Variants in CDIN1 observed in about 807,000 individuals in gnomAD.
The protein encoded by CDIN1 is CDAN1 interacting nuclease 1, also known as CDAN1-interacting nuclease 1.
Under a neutral mutation model 45.3 loss-of-function variants are expected in CDIN1, and 33 were observed. That is an observed-to-expected ratio of 0.73 (90% CI 0.55 to 0.97). The LOEUF (loss-of-function observed/expected upper bound fraction) is 0.97. Among genes scored for constraint, CDIN1 ranks in the 50% least tolerant of loss-of-function variants. The probability of loss-of-function intolerance (pLI) is 0.00; values close to 1 mark genes in which losing one functional copy is unlikely to be tolerated. For synonymous variants in CDIN1, 118 were observed against 124.4 expected (o/e 0.95, Z 0.34); for missense variants, 303 against 339.4 (o/e 0.89, Z 0.84).
chr15:36,682,859 T>C (rs2041906486), intron 5 of CDIN1, among the ~76,000 whole-genome samples: 1 of 151,792 alleles, frequency 6.6e-6, no homozygotes, highest in South Asian at 2.1e-4. Context: ...CACATAAAAT[T>C]TAACACCGTA....
intron 10 of CDIN1, among the ~76,000 whole-genome samples, chr15:36,722,057 C>T (rs1595519365): frequency 1.3e-5 from 2 of 152,130 alleles, no homozygotes; most frequent in East Asian, 3.9e-4. Context: ...GTTATGTCAT[C>T]TATTTTGTTT....
intron 10 of CDIN1, among the ~76,000 whole-genome samples, chr15:36,801,429 T>C (rs2055042410): frequency 6.6e-6 from 1 of 152,168 alleles, no homozygotes. Flanking sequence ...GATGCATCTG[T>C]ATACTAGAGG....
chr15:36,723,222 T>G (rs928135114), intron 10 of CDIN1, among the ~76,000 whole-genome samples: 1 of 59,426 alleles, frequency 1.7e-5, no homozygotes, highest in Non-Finnish European at 3.1e-5. Flanking sequence ...TGCTAACCAT[T>G]ACCACCATTT....
intron 10 of CDIN1, among the ~76,000 whole-genome samples, chr15:36,737,125 A>T (rs1003728103): frequency 6.7e-6 from 1 of 149,684 alleles, no homozygotes; most frequent in South Asian, 2.1e-4. Context: ...CTGAGATTGC[A>T]CCACTGCACT....
intron 4 of CDIN1, among the ~76,000 whole-genome samples, chr15:36,655,252 C>T (rs747555079): frequency 6.6e-6 from 1 of 151,954 alleles, no homozygotes; most frequent in Non-Finnish European, 1.5e-5. Context: ...TTTCTGTGCG[C>T]CTCCTAGGAA....
At chr15:36,653,304 G>A (rs545701665) in intron 3 of CDIN1, among the ~76,000 whole-genome samples, 4 of 152,170 alleles carry the variant, frequency 2.6e-5, no homozygotes, top group Non-Finnish European at 5.9e-5. Context: ...GCGGGAGACA[G>A]TGACTAGAGA....
intron 10 of CDIN1, among the ~76,000 whole-genome samples, chr15:36,721,244 A>T (rs149242559): frequency 6.6e-6 from 1 of 152,102 alleles, no homozygotes; most frequent in Non-Finnish European, 1.5e-5. Flanking sequence ...CTCTGATGGT[A>T]GTTTGTTTTG....
Position 36,604,418 on chromosome 15 carries a change from T to TACACAGACACACACACAC in CDIN1, c.101+24462_101+24463insGACACACACACACACACA, listed in dbSNP as rs1555382540. Among the ~76,000 whole-genome samples, 11 of 128,860 alleles carry TACACAGACACACACACAC rather than the reference T, an allele frequency of 8.5e-5. No homozygotes were observed. In the East Asian group the frequency reaches 9.9e-4, roughly 12 times the overall value. The allele number at this position is 128,860 out of a possible 152,430, so 84.5% of individuals were successfully genotyped here. On this transcript the variant is annotated intron_variant, in intron 1 of 10. Coordinates refer to ENST00000566621, the MANE Select transcript of CDIN1 (RefSeq NM_001321759.2). ...ATGTTCTTCTATGACTTTTAAAAGG[T>TACACAGACACACACACAC]ACACACACACACACACACACACACA...
At chr15:36,597,105 T>TA (rs765941029) in intron 1 of CDIN1, among the ~76,000 whole-genome samples, 4 of 152,210 alleles carry the variant, frequency 2.6e-5, no homozygotes, top group Non-Finnish European at 5.9e-5. Context: ...ATTACATCAC[T>TA]AAATAAAATA....
chr15:36,617,721 A>G (rs537535727), intron 1 of CDIN1: 34 of 791,096 alleles, frequency 4.3e-5, no homozygotes, highest in South Asian at 2.3e-4. Flanking sequence ...AACAACACCA[A>G]TAGAGGAAGT....
intron 5 of CDIN1, among the ~76,000 whole-genome samples, chr15:36,682,824 G>C (rs981339910): frequency 4.6e-5 from 7 of 151,512 alleles, no homozygotes; most frequent in African/African-American, 1.7e-4. Context: ...AAATATCTGG[G>C]TACCCCATCG....
chr15:36,775,513 C>A (rs1207528884), intron 10 of CDIN1, among the ~76,000 whole-genome samples: 1 of 152,196 alleles, frequency 6.6e-6, no homozygotes, highest in African/African-American at 2.4e-5. Flanking sequence ...GCAGCAGTGC[C>A]TATGACAGGC....
intron 10 of CDIN1, among the ~76,000 whole-genome samples, chr15:36,804,898 C>T (rs2055178394): frequency 1.3e-5 from 2 of 151,772 alleles, no homozygotes; most frequent in African/African-American, 4.8e-5. Flanking sequence ...TGGTCTCAAA[C>T]TCCTGACCTC....
intron 10 of CDIN1, among the ~76,000 whole-genome samples, chr15:36,802,784 T>G (rs539506154): frequency 2.6e-5 from 4 of 152,244 alleles, no homozygotes; most frequent in African/African-American, 9.6e-5. Flanking sequence ...AGAAAGATAC[T>G]TATATCATAT....
At chr15:36,776,391 C>G (rs1167305635) in intron 10 of CDIN1, among the ~76,000 whole-genome samples, 1 of 152,204 alleles carries the variant, frequency 6.6e-6, no homozygotes, top group Non-Finnish European at 1.5e-5. Flanking sequence ...TCTTCTAGTT[C>G]CTCACTGAGC....
At chr15:36,655,373 C>T (rs953691685) in intron 4 of CDIN1, among the ~76,000 whole-genome samples, 13 of 147,852 alleles carry the variant, frequency 8.8e-5, no homozygotes, top group Non-Finnish European at 1.6e-4. Context: ...TGTTGCCAGG[C>T]TGGAGTGCAG....
At chr15:36,792,713 G>A (rs1483951295) in intron 10 of CDIN1, among the ~76,000 whole-genome samples, 2 of 152,136 alleles carry the variant, frequency 1.3e-5, no homozygotes, top group Non-Finnish European at 2.9e-5. Context: ...TAAATATTTA[G>A]CTCACAGATT....
At chr15:36,732,486 A>G (rs1458820239) in intron 10 of CDIN1, among the ~76,000 whole-genome samples, 4 of 152,152 alleles carry the variant, frequency 2.6e-5, no homozygotes, top group African/African-American at 9.6e-5. Context: ...TAGGCATGAC[A>G]ATGCCATTGT....
At chr15:36,783,740 C>CT (rs1203654825) in intron 10 of CDIN1, among the ~76,000 whole-genome samples, 22 of 152,146 alleles carry the variant, frequency 1.4e-4, no homozygotes, top group Admixed American at 1.4e-3. Flanking sequence ...ATTTACCCCT[C>CT]TATTTGTTAG....
Sources: gnomAD v4.1 joint callset for allele counts (sites outside exome capture counted in the v4.1 genomes callset) on GRCh38, gnomAD v4.1.1 for gene constraint, MANE v1.5 for transcripts, NCBI Gene and HGNC (gene_info 2026-07-23, HGNC 2026-07-21) for gene names.